The following COQ7 variants were observed in gnomAD, a reference collection of about 807,000 sequenced individuals.
COQ7 encodes the protein coenzyme Q7, hydroxylase.
A neutral mutation model predicts 25.0 loss-of-function variants in COQ7; 21 were observed. The observed-to-expected ratio is 0.84, with a 90% CI of 0.60 to 1.21. COQ7 has a LOEUF of 1.21. Ranked by LOEUF, COQ7 falls within the 50% of genes most tolerant of loss-of-function variation. The pLI is 0.00. For synonymous variants in COQ7, 125 were observed against 112.4 expected (o/e 1.11, Z -0.71); for missense variants, 311 against 296.2 (o/e 1.05, Z -0.37).
chr16:19,076,413 GC>G (rs947971286), intron 4 of COQ7, among the ~76,000 whole-genome samples: 4 of 151,512 alleles, frequency 2.6e-5, no homozygotes, highest in African/African-American at 9.7e-5. Context: ...TGTCTCTTGA[GC>G]CCTGTCCTGT....
chr16:19,076,660 G>T (rs760729573), intron 4 of COQ7, among the ~76,000 whole-genome samples: 1 of 132,120 alleles, frequency 7.6e-6, no homozygotes, highest in East Asian at 2.4e-4. Flanking sequence ...AGTGGTCTCC[G>T]CCTGCATTGC....
In COQ7 at chr16:19,074,042, G is replaced by C. The variant is rs372964750; in HGVS notation, c.367+7G>C. On this transcript the variant is annotated splice_region_variant and intron_variant, in intron 3 of 5. Transcript: ENST00000321998. ...GTGCTGGGGTTTGCACTGGGTACGT[G>C]TCTCTCTAGAAGAGCTTATGCAAGC... is the stretch of plus-strand genomic sequence containing the variant. The C allele has an allele frequency of 6.2e-7, 1 of 1,604,992 alleles. No homozygotes were observed. The highest frequency in any genetic ancestry group is 2.2e-5 in the East Asian group (1 of 44,792).
intron 2 of COQ7, 31 bp from the exon 3 acceptor site, chr16:19,073,890 T>G (rs1962693951): frequency 6.4e-7 from 1 of 1,562,276 alleles, no homozygotes; most frequent in Non-Finnish European, 8.8e-7. Context: ...TATGGAATGC[T>G]TGCATGTCTT....
rs1021184907 is a variant in COQ7, at chr16:19,078,557, G to T, written c.*399G>T. ...TGCAGCCTGGACCTCCTAGCCTCAA[G>T]CAATCCACCCACCTCAGCCTTCCAA... On this transcript the variant is annotated 3_prime_UTR_variant, in exon 6 of 6. Transcript: ENST00000321998. 1 of 152,298 alleles carries T rather than the reference G, an allele frequency of 6.6e-6. No homozygotes were observed. The highest frequency in any genetic ancestry group is 1.5e-5 in the Non-Finnish European group (1 of 68,280). The allele number at this position is 152,298 out of a possible 1,614,324, so 9.4% of individuals were successfully genotyped here.
Position 19,067,706 on chromosome 16 carries a change from G to C in COQ7, c.42G>C (p.Arg14=). The change falls in exon 1 of 6, where the codon CGG becomes CGC. Residue 14 remains arginine (R), a synonymous_variant. Coordinates refer to ENST00000321998, the MANE Select transcript of COQ7 (RefSeq NM_016138.5). ...CGGCGGCGGCTCCCCGCCTTTGGCGGCTGCGCCCGGGGGCCCGGCGGTCCC... is the reference window on the plus strand; with the variant it reads ...CGGCGGCGGCTCCCCGCCTTTGGCGCCTGCGCCCGGGGGCCCGGCGGTCCC... ...AGAAAAPRLW[R]LRPGARRSLS... 6.2e-7 allele frequency: 1 copy of C among 1,607,922 alleles called. No individual in the cohort carries two copies. Among genetic ancestry groups the C allele is most frequent in the Non-Finnish European group, 8.5e-7 (1 of 1,178,152 alleles).
chr16:19,080,865 T>G (rs1963086027), downstream of COQ7, among the ~76,000 whole-genome samples: 1 of 152,180 alleles, frequency 6.6e-6, no homozygotes, highest in Non-Finnish European at 1.5e-5. Context: ...ACAATCGTAG[T>G]CTTGTTTTGA....
At chr16:19,068,901 C>A (rs200206890) in intron 1 of COQ7, 23 of 310,476 alleles carry the variant, frequency 7.4e-5, no homozygotes, top group Non-Finnish European at 1.2e-4. Flanking sequence ...TAAAAAAAAA[C>A]AAACAAATTA....
rs143091032 is a variant in COQ7, at chr16:19,075,767, C to T, written c.414C>T (p.Thr138=). The T allele has an allele frequency of 1.6e-4, 265 of 1,609,202 alleles. No individual in the cohort carries two copies. The highest frequency in any genetic ancestry group is 2.1e-4 in the Non-Finnish European group (242 of 1,177,624). ...GGAAGGAAGGTGCCATGGCCTGCACCGTGGCGGTGGAAGAGAGCATAGCAC... is the reference window on the plus strand; with the variant it reads ...GGAAGGAAGGTGCCATGGCCTGCACTGTGGCGGTGGAAGAGAGCATAGCAC... ...LLGKEGAMAC[T]VAVEESIAHH... The change falls in exon 4 of 6, where the codon ACC becomes ACT. Residue 138 remains threonine, a synonymous_variant. Coordinates refer to ENST00000321998, the MANE Select transcript of COQ7 (RefSeq NM_016138.5).
intron 4 of COQ7, among the ~76,000 whole-genome samples, chr16:19,076,765 T>C (rs541768156): frequency 1.3e-4 from 19 of 151,984 alleles, no homozygotes; most frequent in Non-Finnish European, 2.8e-4. Flanking sequence ...CTAATTTTTG[T>C]ATTTTTAGTA....
chr16:19,068,817 T>C (rs1962389180), intron 1 of COQ7: 1 of 446,168 alleles, frequency 2.2e-6, no homozygotes, highest in Non-Finnish European at 4.5e-6. Flanking sequence ...AAAATTAAAT[T>C]AATTTCCTTG....
Position 19,074,050 on chromosome 16 carries a change from A to G in COQ7, c.367+15A>G, listed in dbSNP as rs1010093759. Reference sequence around the variant, plus strand: ...GTTTGCACTGGGTACGTGTCTCTCTAGAAGAGCTTATGCAAGCTTGGGGAT... The same window carrying G: ...GTTTGCACTGGGTACGTGTCTCTCTGGAAGAGCTTATGCAAGCTTGGGGAT... On this transcript the variant is annotated intron_variant, in intron 3 of 5. Transcript: ENST00000321998. The G allele has an allele frequency of 1.3e-6, 2 of 1,587,420 alleles. No homozygotes were observed. The highest frequency in any genetic ancestry group is 1.7e-6 in the Non-Finnish European group (2 of 1,158,894).
In COQ7 at chr16:19,067,830, G is replaced by A. The variant is rs532768774; in HGVS notation, c.73+93G>A. On this transcript the variant is annotated intron_variant, in intron 1 of 5. Transcript: ENST00000321998. The stretch of plus-strand genomic sequence containing the variant: ...TGGGTCGAAGAGGTCACGGGGGAGA[G>A]GTTCGTAACGTCACAGGCCTGCGAC... 4 of 1,526,976 alleles carry A rather than the reference G, an allele frequency of 2.6e-6. No homozygotes were observed. In the African/African-American group the frequency reaches 4.6e-5, roughly 18 times the overall value. The allele number at this position is 1,526,976 out of a possible 1,614,324, so 94.6% of individuals were successfully genotyped here.
chr16:19,069,099 T>A (rs1299052934), intron 1 of COQ7, among the ~76,000 whole-genome samples: 3 of 152,174 alleles, frequency 2.0e-5, no homozygotes, highest in Non-Finnish European at 4.4e-5. Context: ...ATAAGCCACT[T>A]AATATTTTGT....
rs141674077 is a variant in COQ7 at position 19,070,895 on chromosome 16, A to G, written c.74-1033A>G. 8.0e-4 allele frequency among the ~76,000 whole-genome samples: 122 copies of G among 152,316 alleles called. 1 individual carries two copies. Among genetic ancestry groups the G allele is most frequent in the African/African-American group, 2.9e-3 (119 of 41,582 alleles). ...GCTGCAAAACTCCTCTCTGGCAGGG[A>G]AAAAAACCTTTTGAGTTACTCTAAT... is the stretch of plus-strand genomic sequence containing the variant. On this transcript the variant is annotated intron_variant, in intron 1 of 5. Transcript: ENST00000321998.
intron 5 of COQ7, among the ~76,000 whole-genome samples, chr16:19,077,687 C>T (rs1962933018): frequency 6.7e-6 from 1 of 148,668 alleles, no homozygotes; most frequent in Non-Finnish European, 1.5e-5. Context: ...CTTCCAGGTT[C>T]AAGCAATTCT....
chr16:19,067,733 C>T lies in COQ7; in HGVS notation c.69C>T (p.Leu23=), dbSNP rs750193855. ...TGCGCCCGGGGGCCCGGCGGTCCCT[C>T]TCAGGTAAAAGGAGGCGCGCAGTCA... is the stretch of plus-strand genomic sequence containing the variant. ...WRLRPGARRS[L]SAYGRRTSVR... Residue 23 remains leucine (L), a synonymous_variant, in exon 1 of 6, where the codon CTC becomes CTT. Transcript: ENST00000321998. 5 of 1,603,508 alleles carry T rather than the reference C, an allele frequency of 3.1e-6. No individual in the cohort carries two copies. The highest frequency in any genetic ancestry group is 1.1e-5 in the South Asian group (1 of 90,894).
chr16:19,071,496 A>G (rs1238209192), intron 1 of COQ7, among the ~76,000 whole-genome samples: 1 of 152,246 alleles, frequency 6.6e-6, no homozygotes, highest in African/African-American at 2.4e-5. Context: ...GAGAAGACTT[A>G]TGCACAGAGC....
downstream of COQ7, among the ~76,000 whole-genome samples, chr16:19,080,989 T>TCTTC (rs1963088196): frequency 6.6e-6 from 1 of 152,184 alleles, no homozygotes; most frequent in Admixed American, 6.6e-5. Flanking sequence ...TCAGGACTCA[T>TCTTC]GAAGAGCTGA....
At chr16:19,069,181 C>T (rs1043831947) in intron 1 of COQ7, among the ~76,000 whole-genome samples, 1 of 152,050 alleles carries the variant, frequency 6.6e-6, no homozygotes, top group Non-Finnish European at 1.5e-5. Flanking sequence ...GAGCTAGCAC[C>T]GAGCCTCAAT....
Sources: allele counts gnomAD v4.1 joint callset (sites outside exome capture counted in the v4.1 genomes callset), GRCh38; gene constraint gnomAD v4.1.1; transcripts MANE v1.5; gene names NCBI Gene and HGNC (gene_info 2026-07-23, HGNC 2026-07-21).